Variants in PLXNA2 observed in about 807,000 individuals in gnomAD.
PLXNA2 encodes plexin A2.
A neutral mutation model predicts 193.5 loss-of-function variants in PLXNA2; 91 were observed. That is an observed-to-expected ratio of 0.47 (90% CI 0.40 to 0.56). PLXNA2 has a LOEUF of 0.56. PLXNA2 is among the 20% of genes least tolerant of loss of function. The pLI is 0.00. For synonymous variants in PLXNA2, 997 were observed against 1,027.3 expected (o/e 0.97, Z 0.56); for missense variants, 1,995 against 2,503.2 (o/e 0.80, Z 4.33).
In PLXNA2 at chr1:208,038,087, T is replaced by C. The variant is rs904597391; in HGVS notation, c.4764+284A>G. Among the ~76,000 whole-genome samples, 22 of 152,146 alleles carry C rather than the reference T, an allele frequency of 1.4e-4. No individual in the cohort carries two copies. The highest frequency in any genetic ancestry group is 1.5e-5 in the Non-Finnish European group (1 of 68,012). On this transcript the variant is annotated intron_variant, in intron 26 of 31. Transcript: ENST00000367033. This position sits in a 1 kb window ranked among gnomAD's most constrained non-coding sequence, Gnocchi z 4.1. ...TTGTTGTTGTTGTTGTTTTGTTTTGTTTTTTTGCAAATGTAGAGGTACACA... is the reference window on the plus strand; with the variant it reads ...TTGTTGTTGTTGTTGTTTTGTTTTGCTTTTTTGCAAATGTAGAGGTACACA...
intron 11 of PLXNA2, among the ~76,000 whole-genome samples, chr1:208,079,744 T>G (rs931977070): frequency 1.3e-5 from 2 of 152,194 alleles, no homozygotes; most frequent in African/African-American, 4.8e-5. Context: ...GGATTCCACC[T>G]CCTTGAACCT....
At chr1:208,145,330 CGTCCCAGCAGCTGCAGGGCTGG>C (rs1408061759) in intron 3 of PLXNA2, among the ~76,000 whole-genome samples, 2 of 152,206 alleles carry the variant, frequency 1.3e-5, no homozygotes, top group Non-Finnish European at 2.9e-5. Context: ...GTGCTGGCTG[CGTCCCAGCAGCTGCAGGGCTGG>C]GTCCCAGGAG....
At chr1:208,031,856 A>G (rs1488174774) in intron 28 of PLXNA2, 97 bp from the exon 29 acceptor site, 3 of 1,309,692 alleles carry the variant, frequency 2.3e-6, no homozygotes, top group African/African-American at 3.0e-5. Flanking sequence ...TGCCTTGGAA[A>G]TTTGTCTGGG....
At chr1:208,083,607 C>T (rs1303924600) in intron 10 of PLXNA2, among the ~76,000 whole-genome samples, 1 of 152,112 alleles carries the variant, frequency 6.6e-6, no homozygotes, top group Non-Finnish European at 1.5e-5. Context: ...CCCTTTATCT[C>T]TCCCAGGCGA....
chr1:208,240,308 A>C (rs1672006076), intron 1 of PLXNA2, among the ~76,000 whole-genome samples: 1 of 152,180 alleles, frequency 6.6e-6, no homozygotes, highest in South Asian at 2.1e-4. Context: ...GAGGACGGGG[A>C]TATCCTCTTC....
chr1:208,153,953 C>T (rs1668853037), intron 3 of PLXNA2, among the ~76,000 whole-genome samples: 1 of 147,674 alleles, frequency 6.8e-6, no homozygotes, highest in Non-Finnish European at 1.5e-5. Context: ...TAATAATGAG[C>T]TGCTTCATGA....
chr1:208,056,397 T>C (rs1665432233), intron 13 of PLXNA2, among the ~76,000 whole-genome samples: 1 of 152,184 alleles, frequency 6.6e-6, no homozygotes, highest in South Asian at 2.1e-4. Flanking sequence ...GAAGAAATCA[T>C]CACAGGCTTG....
At chr1:208,131,510 C>G (rs957834770) in intron 4 of PLXNA2, among the ~76,000 whole-genome samples, 1 of 152,184 alleles carries the variant, frequency 6.6e-6, no homozygotes, top group Non-Finnish European at 1.5e-5. Context: ...CTGGAAGGAG[C>G]TGAAAAGCAG....
At chr1:208,040,902 C>G (rs1005907169) in intron 22 of PLXNA2, among the ~76,000 whole-genome samples, 1 of 152,186 alleles carries the variant, frequency 6.6e-6, no homozygotes, top group East Asian at 1.9e-4. Context: ...AGGAACAAAG[C>G]GGCTGTGACA....
At chr1:208,195,653 G>GA in intron 3 of PLXNA2, among the ~76,000 whole-genome samples, 1 of 108,182 alleles carries the variant, frequency 9.2e-6, no homozygotes, top group South Asian at 3.3e-4. Flanking sequence ...ATGTTTTTTG[G>GA]GGGGGGGGGT....
rs1664363070 is a variant in PLXNA2, at chr1:208,027,073, T to C, written c.*170A>G. On this transcript the variant is annotated 3_prime_UTR_variant, in exon 32 of 32. Coordinates refer to ENST00000367033, the MANE Select transcript of PLXNA2 (RefSeq NM_025179.4). The stretch of plus-strand genomic sequence containing the variant: ...TGTCTCTCCCAGCTGGAACTGGCTA[T>C]GACGAAACTTGGCTGGCGTAGGGAG... The C allele has an allele frequency of 1.7e-6, 1 of 583,988 alleles. No homozygotes were observed. Among genetic ancestry groups the C allele is most frequent in the South Asian group, 2.1e-5 (1 of 46,922 alleles). The allele number at this position is 583,988 out of a possible 1,614,324, so 36.2% of individuals were successfully genotyped here.
chr1:208,052,084 T>C (rs914423153), intron 15 of PLXNA2, among the ~76,000 whole-genome samples: 4 of 152,226 alleles, frequency 2.6e-5, no homozygotes, highest in African/African-American at 9.6e-5. Context: ...GCCTCCTCCA[T>C]CTGGTGTTCT....
rs1276063639 is a variant in PLXNA2 at position 208,038,648 on chromosome 1, G to A, written c.4661-174C>T. ...TGGGCCCAGGCAGCAGAGGAAACAC[G>A]TAGACCTCCCCAGAGACAGCCACAT... On this transcript the variant is annotated intron_variant, in intron 25 of 31. Coordinates refer to ENST00000367033, the MANE Select transcript of PLXNA2 (RefSeq NM_025179.4). This position sits in a 1 kb window ranked among gnomAD's most constrained non-coding sequence, Gnocchi z 4.1. 3.3e-5 allele frequency among the ~76,000 whole-genome samples: 5 copies of A among 152,178 alleles called. No homozygotes were observed. The highest frequency in any genetic ancestry group is 6.5e-5 in the Admixed American group (1 of 15,276).
intron 3 of PLXNA2, among the ~76,000 whole-genome samples, chr1:208,201,115 A>G (rs1001577596): frequency 6.6e-6 from 1 of 152,214 alleles, no homozygotes; most frequent in African/African-American, 2.4e-5. Context: ...TCTGTGTTAG[A>G]CATTATATAT....
Position 208,039,680 on chromosome 1 carries a change from C to T in PLXNA2, c.4441G>A (p.Ala1481Thr). 1 of 1,614,244 alleles carries T rather than the reference C, an allele frequency of 6.2e-7. No homozygotes were observed. The highest frequency in any genetic ancestry group is 8.5e-7 in the Non-Finnish European group (1 of 1,180,052). Residue 1481 changes from alanine to threonine, a missense_variant, in exon 24 of 32, where the codon GCC becomes ACC. By Grantham distance (58) the Ala-to-Thr change is moderately conservative. Transcript: ENST00000367033. ...TTGTCCTCGCTCAGGGAGTAGCGGG[C>T]CTCGCCCGTGATGGCATCAATGGGG... Reference protein sequence around the residue: ...KGPIDAITGEARYSLSEDKLI... With the variant: ...KGPIDAITGETRYSLSEDKLI...
At position 208,033,372 on chromosome 1, in the gene PLXNA2, G is replaced by A. The variant is rs2102303584; in HGVS notation, c.5002C>T (p.Arg1668Trp). Residue 1668 changes from arginine to tryptophan, a missense_variant, in exon 28 of 32, where the codon CGG becomes TGG. Around this residue, in one of 3 missense-constraint regions of PLXNA2, gnomAD observed 1,291 missense variants for 1,673.6 expected, o/e 0.77. Coordinates refer to ENST00000367033, the MANE Select transcript of PLXNA2 (RefSeq NM_025179.4). ...HDHGDQKEGDRGSKMVSEIYL... is the reference protein window; with the variant it reads ...HDHGDQKEGDWGSKMVSEIYL... ...ATCTCGGACACCATCTTGCTGCCCC[G>A]GTCACCCTCCTTCTGGTCACCGTGG... The A allele has an allele frequency of 6.2e-7, 1 of 1,612,182 alleles. No homozygotes were observed. The highest frequency in any genetic ancestry group is 8.5e-7 in the Non-Finnish European group (1 of 1,179,384).
intron 12 of PLXNA2, among the ~76,000 whole-genome samples, chr1:208,064,346 G>A (rs1289635810): frequency 6.6e-5 from 10 of 152,226 alleles, no homozygotes; most frequent in Admixed American, 6.5e-4. Flanking sequence ...ACCTTCCATG[G>A]CTCTGACCAT....
At chr1:208,066,978 A>G (rs772255626) in intron 12 of PLXNA2, among the ~76,000 whole-genome samples, 1 of 152,258 alleles carries the variant, frequency 6.6e-6, no homozygotes, top group Non-Finnish European at 1.5e-5. Context: ...ACAGCTGTAC[A>G]ATGTATGTGT....
At chr1:208,189,996 T>G (rs1670127002) in intron 3 of PLXNA2, among the ~76,000 whole-genome samples, 1 of 152,068 alleles carries the variant, frequency 6.6e-6, no homozygotes, top group Non-Finnish European at 1.5e-5. Context: ...GAGAAACATT[T>G]TGGGGTGGGG....
Sources: allele counts gnomAD v4.1 joint callset (sites outside exome capture counted in the v4.1 genomes callset), GRCh38; gene constraint gnomAD v4.1.1; regional missense constraint gnomAD v4.1.1; non-coding constraint Gnocchi (gnomAD v3.1); transcripts MANE v1.5; gene names NCBI Gene and HGNC (gene_info 2026-07-23, HGNC 2026-07-21).